LAG3: variants seen among roughly 807,000 people sequenced by gnomAD.
LAG3 encodes lymphocyte activation gene 3 protein.
LAG3 carries 29 observed loss-of-function variants against 49.0 expected under a neutral mutation model. That is an observed-to-expected ratio of 0.59 (90% CI 0.44 to 0.81). LAG3 has a LOEUF of 0.81. LAG3 is among the 30% of genes least tolerant of loss of function. The probability of loss-of-function intolerance (pLI) is 0.00; values close to 1 mark genes in which losing one functional copy is unlikely to be tolerated. For synonymous variants in LAG3, 320 were observed against 297.3 expected (o/e 1.08, Z -0.79); for missense variants, 693 against 695.2 (o/e 1.00, Z 0.04).
In LAG3 at chr12:6,774,870, T is replaced by C. The variant is rs1941888299; in HGVS notation, c.781+6T>C. 6.2e-7 allele frequency: 1 copy of C among 1,604,606 alleles called. No homozygotes were observed. The highest frequency in any genetic ancestry group is 8.5e-7 in the Non-Finnish European group (1 of 1,172,868). ...GTATAACCTCACTGTTCTGGGTAAC[T>C]CCCCCACTCTGCTTCACATTTGACC... On this transcript the variant is annotated splice_donor_region_variant and intron_variant, in intron 4 of 7. Transcript: ENST00000203629.
intron 7 of LAG3, 71 bp from the exon 8 acceptor site, chr12:6,778,173 C>T (rs1941928282): frequency 6.9e-7 from 1 of 1,442,476 alleles, no homozygotes. Flanking sequence ...ACTCAGTGTC[C>T]CTCCTCATCC....
Position 6,773,883 on chromosome 12 carries a change from C to T in LAG3, c.393C>T (p.Asp131=), listed in dbSNP as rs774838997. The change falls in exon 3 of 8, where the codon GAC becomes GAT. Residue 131 remains aspartate, a synonymous_variant. Transcript: ENST00000203629. The surrounding 1 kb of genome is among the most constrained non-coding windows in gnomAD (Gnocchi z 5.5). ...QLDERGRQRG[D]FSLWLRPARR... ...ATGAGCGCGGCCGGCAGCGCGGGGA[C>T]TTCTCGCTATGGCTGCGCCCAGCCC... 5 of 1,399,256 alleles carry T rather than the reference C, an allele frequency of 3.6e-6. No homozygotes were observed. Among genetic ancestry groups the T allele is most frequent in the South Asian group, 1.5e-5 (1 of 64,662 alleles). 86.7% of individuals were successfully genotyped at this position (1,399,256 alleles called of 1,614,324 possible). A position where few individuals can be genotyped will look rare whatever the true frequency, so the allele number is the denominator to read the frequency against.
rs923587263 is a variant in LAG3, at chr12:6,772,681, TCCCTC to T, written c.-168_-164del. ...TCCTCTGGATTCCGGCCTCTGGTCA[TCCCTC>T]CCCACCCTCTCTCCAAGGCCCTCTC... On this transcript the variant is annotated 5_prime_UTR_variant, in exon 1 of 8. Coordinates refer to ENST00000203629, the MANE Select transcript of LAG3 (RefSeq NM_002286.6). 1.1e-5 allele frequency: 6 copies of T among 526,232 alleles called. No homozygotes were observed. Among genetic ancestry groups the T allele is most frequent in the Admixed American group, 6.7e-5 (2 of 30,054 alleles). The allele number at this position is 526,232 out of a possible 1,614,324, so 32.6% of individuals were successfully genotyped here.
Position 6,777,837 on chromosome 12 carries a change from C to T in LAG3, c.1347C>T (p.His449=), listed in dbSNP as rs757430696. Residue 449 remains histidine, a synonymous_variant, in exon 7 of 8, where the codon CAC becomes CAT. Coordinates refer to ENST00000203629, the MANE Select transcript of LAG3 (RefSeq NM_002286.6). Reference sequence around the variant, plus strand: ...CCCCAGGTGCCCTCCCAGCAGGCCACCTCCTGCTGTTTCTCATCCTTGGTG... The same window carrying T: ...CCCCAGGTGCCCTCCCAGCAGGCCATCTCCTGCTGTTTCTCATCCTTGGTG... The part of the protein sequence containing the change: ...GRAPGALPAG[H]LLLFLILGVL... 2.5e-6 allele frequency: 4 copies of T among 1,613,744 alleles called. No individual in the cohort carries two copies. Among genetic ancestry groups the T allele is most frequent in the Non-Finnish European group, 3.4e-6 (4 of 1,179,864 alleles).
In LAG3 at chr12:6,773,199, T is replaced by G. The variant is rs1370673375; in HGVS notation, c.66T>G (p.Pro22=). ...TCTCTTTTGCTCACCTAGTGAAGCCTCTCCAGCCAGGGGCTGAGGTCCCGG... is the reference window on the plus strand; with the variant it reads ...TCTCTTTTGCTCACCTAGTGAAGCCGCTCCAGCCAGGGGCTGAGGTCCCGG... The part of the protein sequence containing the change: ...LQPLWVAPVK[P]LQPGAEVPVV... The change falls in exon 2 of 8, where the codon CCT becomes CCG. Residue 22 remains proline, a synonymous_variant. Transcript: ENST00000203629. This position sits in a 1 kb window ranked among gnomAD's most constrained non-coding sequence, Gnocchi z 5.5. The G allele has an allele frequency of 1.2e-6, 2 of 1,610,382 alleles. No homozygotes were observed. Among genetic ancestry groups the G allele is most frequent in the Non-Finnish European group, 1.7e-6 (2 of 1,178,690 alleles).
intron 3 of LAG3, 148 bp from the exon 4 acceptor site, chr12:6,774,447 A>G (rs1271285288): frequency 1.1e-6 from 1 of 886,836 alleles, no homozygotes; most frequent in Non-Finnish European, 1.7e-6. Context: ...CAGGTGCTGG[A>G]AGCTGAGATG....
chr12:6,775,649 C>A, intron 5 of LAG3, 101 bp downstream of exon 5: 1 of 1,167,804 alleles, frequency 8.6e-7, no homozygotes, highest in Non-Finnish European at 1.2e-6. Flanking sequence ...CCCTGTGATG[C>A]CAGGCCACTG....
chr12:6,774,658 G>A lies in LAG3; in HGVS notation c.575G>A (p.Ser192Asn). ...TGGGTCATTTTGAACTGCTCCTTCA[G>A]CCGCCCTGACCGCCCAGCCTCTGTG... ...SDWVILNCSF[S>N]RPDRPASVHW... is the part of the protein sequence containing the mutation. Residue 192 changes from serine to asparagine, a missense_variant, in exon 4 of 8, where the codon AGC becomes AAC. Ser to Asn is a conservative substitution (Grantham distance 46, BLOSUM62 1). Transcript: ENST00000203629. 3.7e-6 allele frequency: 6 copies of A among 1,614,136 alleles called. No individual in the cohort carries two copies. The highest frequency in any genetic ancestry group is 1.1e-5 in the South Asian group (1 of 91,090).
Position 6,777,852 on chromosome 12 carries a change from C to T in LAG3, c.1362C>T (p.Leu454=). 6.2e-7 allele frequency: 1 copy of T among 1,613,892 alleles called. No homozygotes were observed. The highest frequency in any genetic ancestry group is 8.5e-7 in the Non-Finnish European group (1 of 1,179,918). Residue 454 remains leucine (L), a synonymous_variant, in exon 7 of 8, where the codon CTC becomes CTT. Coordinates refer to ENST00000203629, the MANE Select transcript of LAG3 (RefSeq NM_002286.6). Reference sequence around the variant, plus strand: ...CAGCAGGCCACCTCCTGCTGTTTCTCATCCTTGGTGTCCTTTCTCTGCTCC... The same window carrying T: ...CAGCAGGCCACCTCCTGCTGTTTCTTATCCTTGGTGTCCTTTCTCTGCTCC... ...ALPAGHLLLF[L]ILGVLSLLLL... is the part of the protein sequence containing the mutation.
chr12:6,776,348 G>T (rs1356395625), intron 5 of LAG3, among the ~76,000 whole-genome samples: 1 of 152,036 alleles, frequency 6.6e-6, no homozygotes, highest in Non-Finnish European at 1.5e-5. Context: ...CATCCACCTC[G>T]AAACCTGGCC....
At chr12:6,774,413 T>C (rs1478911550) in intron 3 of LAG3, among the ~76,000 whole-genome samples, 182 bp from the exon 4 acceptor site, 1 of 152,132 alleles carries the variant, frequency 6.6e-6, no homozygotes, top group Non-Finnish European at 1.5e-5. Flanking sequence ...CTGGGGAGTC[T>C]TGGGGATCCA....
At position 6,773,124 on chromosome 12, in the gene LAG3, A is replaced by G. The variant is rs1941861722; in HGVS notation, c.59-68A>G. Reference sequence around the variant, plus strand: ...CCTGTTTCTCCCTCGGGAAACACCCAGGCTCCTTCTCTACCCCTGCCTCTC... The same window carrying G: ...CCTGTTTCTCCCTCGGGAAACACCCGGGCTCCTTCTCTACCCCTGCCTCTC... On this transcript the variant is annotated intron_variant, in intron 1 of 7. Transcript: ENST00000203629. This position sits in a 1 kb window ranked among gnomAD's most constrained non-coding sequence, Gnocchi z 5.5. The G allele has an allele frequency of 6.5e-7, 1 of 1,535,424 alleles. No individual in the cohort carries two copies. The highest frequency in any genetic ancestry group is 8.8e-7 in the Non-Finnish European group (1 of 1,137,082).
rs781459708 is a variant in LAG3 at position 6,777,382 on chromosome 12, T to C, written c.1176T>C (p.Ser392=). 10 of 1,613,902 alleles carry C rather than the reference T, an allele frequency of 6.2e-6. No individual in the cohort carries two copies. In the East Asian group the frequency reaches 2.2e-4, roughly 36 times the overall value. The change falls in exon 6 of 8, where the codon AGT becomes AGC. Residue 392 remains serine, a synonymous_variant. Coordinates refer to ENST00000203629, the MANE Select transcript of LAG3 (RefSeq NM_002286.6). ...CTCTGGACACCCCATCCCAGAGGAGTTTCTCAGGACCTTGGCTGGAGGCAC... is the reference window on the plus strand; with the variant it reads ...CTCTGGACACCCCATCCCAGAGGAGCTTCTCAGGACCTTGGCTGGAGGCAC... ...WSSLDTPSQR[S]FSGPWLEAQE... is the part of the protein sequence containing the mutation.
In LAG3 at chr12:6,777,264, T is replaced by G; in HGVS notation, c.1058T>G (p.Val353Gly). 1 of 1,614,140 alleles carries G rather than the reference T, an allele frequency of 6.2e-7. No homozygotes were observed. Among genetic ancestry groups the G allele is most frequent in the Non-Finnish European group, 8.5e-7 (1 of 1,180,018 alleles). Residue 353 changes from valine (V) to glycine (G), a missense_variant and splice_region_variant, in exon 6 of 8, where the codon GTG (valine) becomes GGG (glycine). Coordinates refer to ENST00000203629, the MANE Select transcript of LAG3 (RefSeq NM_002286.6). ...GATCTCTTCCTTCTACTCTTTTCAG[T>G]GACTCCCAAATCCTTTGGGTCACCT... is the stretch of plus-strand genomic sequence containing the variant. ...NATVTLAIIT[V>G]TPKSFGSPGS...
At position 6,773,953 on chromosome 12, in the gene LAG3, G is replaced by C. The variant is rs1790818351; in HGVS notation, c.463G>C (p.Asp155His). The change falls in exon 3 of 8, where the codon GAC becomes CAC. Residue 155 changes from aspartate to histidine, a missense_variant. Physicochemically the swap from Asp to His is moderately conservative, Grantham distance 81. Coordinates refer to ENST00000203629, the MANE Select transcript of LAG3 (RefSeq NM_002286.6). This position sits in a 1 kb window ranked among gnomAD's most constrained non-coding sequence, Gnocchi z 5.5. ...GTACCGCGCCGCGGTGCACCTCAGG[G>C]ACCGCGCCCTCTCCTGCCGCCTCCG... is the stretch of plus-strand genomic sequence containing the variant. Reference protein sequence around the residue: ...GEYRAAVHLRDRALSCRLRLR... With the variant: ...GEYRAAVHLRHRALSCRLRLR... The C allele has an allele frequency of 2.8e-6, 4 of 1,438,964 alleles. No individual in the cohort carries two copies. The highest frequency in any genetic ancestry group is 3.6e-6 in the Non-Finnish European group (4 of 1,105,216). 89.1% of individuals were successfully genotyped at this position (1,438,964 alleles called of 1,614,324 possible).
intron 4 of LAG3, 67 bp from the exon 5 acceptor site, chr12:6,775,206 T>G: frequency 6.6e-7 from 1 of 1,516,878 alleles, no homozygotes; most frequent in Middle Eastern, 2.4e-4. Context: ...CTCCCTTCCT[T>G]GCAGCCCCAG....
intron 7 of LAG3, 66 bp from the exon 8 acceptor site, chr12:6,778,178 T>G (rs1941928313): frequency 6.8e-7 from 1 of 1,469,806 alleles, no homozygotes; most frequent in Non-Finnish European, 9.3e-7. Flanking sequence ...GTGTCCCTCC[T>G]CATCCGCTTC....
intron 5 of LAG3, among the ~76,000 whole-genome samples, chr12:6,777,010 G>A (rs1941912308): frequency 6.6e-6 from 1 of 152,164 alleles, no homozygotes; most frequent in African/African-American, 2.4e-5. Flanking sequence ...GAAAGGCTGA[G>A]ACGAGAGGAG....
Position 6,773,886 on chromosome 12 carries a change from C to T in LAG3, c.396C>T (p.Phe132=). Residue 132 remains phenylalanine, a synonymous_variant, in exon 3 of 8, where the codon TTC becomes TTT. Transcript: ENST00000203629. The surrounding 1 kb of genome is among the most constrained non-coding windows in gnomAD (Gnocchi z 5.5). ...AGCGCGGCCGGCAGCGCGGGGACTT[C>T]TCGCTATGGCTGCGCCCAGCCCGGC... ...LDERGRQRGD[F]SLWLRPARRA... The T allele has an allele frequency of 7.2e-7, 1 of 1,395,372 alleles. No individual in the cohort carries two copies. The highest frequency in any genetic ancestry group is 9.2e-7 in the Non-Finnish European group (1 of 1,082,596). The allele number at this position is 1,395,372 out of a possible 1,614,324, so 86.4% of individuals were successfully genotyped here.
Sources: allele counts gnomAD v4.1 joint callset (sites outside exome capture counted in the v4.1 genomes callset), GRCh38; gene constraint gnomAD v4.1.1; non-coding constraint Gnocchi (gnomAD v3.1); transcripts MANE v1.5; gene names NCBI Gene and HGNC (gene_info 2026-07-23, HGNC 2026-07-21).